Variants in EXOC4 observed in about 807,000 individuals in gnomAD.
EXOC4 encodes the protein SEC8-like 1.
Under a neutral mutation model 107.2 loss-of-function variants are expected in EXOC4, and 71 were observed. That is an observed-to-expected ratio of 0.66 (90% CI 0.55 to 0.81). The LOEUF is 0.81. EXOC4 is among the 30% of genes least tolerant of loss of function. EXOC4 has a pLI of 0.00. For missense variants in EXOC4, 1,108 were observed against 1,189.6 expected (o/e 0.93, Z 1.01); for synonymous variants, 456 against 441.2 (o/e 1.03, Z -0.42).
rs10247211 is a variant in EXOC4 at position 133,385,405 on chromosome 7, G to A, written c.1182+10403G>A. On this transcript the variant is annotated intron_variant, in intron 7 of 17. Coordinates refer to ENST00000253861, the MANE Select transcript of EXOC4 (RefSeq NM_021807.4). ...GGGTTTGTGTCACAAGATAGAGGCC[G>A]GTATTTCATTGTCTACTGCTCTTAA... Among the ~76,000 whole-genome samples, 215 of 152,258 alleles carry A rather than the reference G, an allele frequency of 1.4e-3. 2 individuals carry two copies. Among genetic ancestry groups the A allele is most frequent in the African/African-American group, 5.0e-3 (208 of 41,550 alleles).
At chr7:133,496,602 G>A (rs764029133) in intron 9 of EXOC4, among the ~76,000 whole-genome samples, 6 of 152,224 alleles carry the variant, frequency 3.9e-5, no homozygotes, top group Admixed American at 6.5e-5. Flanking sequence ...TCGCACCTTC[G>A]AGGTGGAAGA....
intron 11 of EXOC4, among the ~76,000 whole-genome samples, chr7:133,858,910 A>C (rs1798475447): frequency 6.6e-6 from 1 of 152,120 alleles, no homozygotes; most frequent in African/African-American, 2.4e-5. Context: ...GATGCATTTC[A>C]AATTCCAGGC....
Position 133,423,756 on chromosome 7 carries a change from G to A in EXOC4, c.1182+48754G>A, listed in dbSNP as rs548443152. ...CGTGGGGAGGTGTGGAGGGAGAGGC[G>A]CGGGTAGGGGCCAGCGCTGCGCGCA... On this transcript the variant is annotated intron_variant, in intron 7 of 17. Transcript: ENST00000253861. Among the ~76,000 whole-genome samples, 286 of 152,212 alleles carry A rather than the reference G, an allele frequency of 1.9e-3. No homozygotes were observed. The Middle Eastern group carries it at 0.031, about 16-fold the overall frequency.
chr7:133,444,272 G>A (rs1042575651), intron 7 of EXOC4, among the ~76,000 whole-genome samples: 1 of 152,158 alleles, frequency 6.6e-6, no homozygotes, highest in African/African-American at 2.4e-5. Context: ...CAGAGCACAG[G>A]GTAGCAAGTG....
intron 8 of EXOC4, among the ~76,000 whole-genome samples, chr7:133,476,217 A>T (rs1584946791): frequency 6.6e-6 from 1 of 152,140 alleles, no homozygotes; most frequent in Non-Finnish European, 1.5e-5. Context: ...CTCATAGCTT[A>T]TTTTATTTAC....
chr7:133,302,437 A>G (rs964864450), intron 3 of EXOC4, among the ~76,000 whole-genome samples: 2 of 152,338 alleles, frequency 1.3e-5, no homozygotes, highest in South Asian at 2.1e-4. Context: ...ATTTAAAAAT[A>G]CTTATATCTG....
At chr7:133,653,026 T>C (rs1803199505) in intron 10 of EXOC4, among the ~76,000 whole-genome samples, 1 of 152,148 alleles carries the variant, frequency 6.6e-6, no homozygotes. Context: ...TTAAATTAGG[T>C]TAACTCCTAG....
At chr7:133,630,730 A>G (rs1802571321) in intron 10 of EXOC4, among the ~76,000 whole-genome samples, 1 of 152,230 alleles carries the variant, frequency 6.6e-6, no homozygotes, top group South Asian at 2.1e-4. Context: ...ATGATTTATA[A>G]AAAATGAAAG....
chr7:133,509,407 A>G (rs889842363), intron 9 of EXOC4, among the ~76,000 whole-genome samples: 1 of 151,904 alleles, frequency 6.6e-6, no homozygotes, highest in Non-Finnish European at 1.5e-5. Flanking sequence ...CAGCCTGGGC[A>G]ACAGAGCAAG....
intron 10 of EXOC4, among the ~76,000 whole-genome samples, chr7:133,665,317 T>G (rs1562898266): frequency 2.6e-5 from 4 of 152,252 alleles, no homozygotes; most frequent in South Asian, 4.1e-4. Flanking sequence ...TGTGCATGAT[T>G]GTTGTGGGGA....
rs1480357843 is a variant in EXOC4 at position 133,629,951 on chromosome 7, TTATGACAG to T, written c.1418-90_1418-83del. ...TTACTGTTTGCAAAGATGGTCCTAATTATGACAGTATAGGACTCATCTAGATATGCTTG... is the reference window on the plus strand; with the variant it reads ...TTACTGTTTGCAAAGATGGTCCTAATTATAGGACTCATCTAGATATGCTTG... On this transcript the variant is annotated intron_variant, in intron 9 of 17. Coordinates refer to ENST00000253861, the MANE Select transcript of EXOC4 (RefSeq NM_021807.4). 58 of 825,916 alleles carry T rather than the reference TTATGACAG, an allele frequency of 7.0e-5. No homozygotes were observed. The Middle Eastern group carries it at 1.2e-3, about 17-fold the overall frequency. 51.2% of individuals were successfully genotyped at this position (825,916 alleles called of 1,614,324 possible).
intron 7 of EXOC4, among the ~76,000 whole-genome samples, chr7:133,449,618 A>G (rs1191009368): frequency 1.3e-5 from 2 of 151,946 alleles, no homozygotes; most frequent in Non-Finnish European, 2.9e-5. Flanking sequence ...TCCTTATTCT[A>G]TCTGTATCTA....
chr7:133,723,915 A>G (rs572388495), intron 10 of EXOC4, among the ~76,000 whole-genome samples: 2 of 152,244 alleles, frequency 1.3e-5, no homozygotes, highest in Non-Finnish European at 1.5e-5. Context: ...ATGTGCCACC[A>G]TGCCCAACTG....
intron 10 of EXOC4, among the ~76,000 whole-genome samples, chr7:133,795,609 C>T (rs1193939835): frequency 2.0e-5 from 3 of 152,178 alleles, no homozygotes; most frequent in Non-Finnish European, 4.4e-5. Flanking sequence ...AGTCCAGATT[C>T]TTTCTGTGAC....
At chr7:133,566,839 A>G (rs532866805) in intron 9 of EXOC4, among the ~76,000 whole-genome samples, 1 of 152,344 alleles carries the variant, frequency 6.6e-6, no homozygotes, top group Non-Finnish European at 1.5e-5. Context: ...GGTTATGTGT[A>G]GACAAAGTTG....
At chr7:133,390,529 G>C (rs1229903979) in intron 7 of EXOC4, among the ~76,000 whole-genome samples, 7 of 152,118 alleles carry the variant, frequency 4.6e-5, no homozygotes, top group Non-Finnish European at 1.0e-4. Context: ...AGTGGGCGGG[G>C]CCAGCTATAG....
At chr7:133,682,452 G>A (rs547293248) in intron 10 of EXOC4, among the ~76,000 whole-genome samples, 20 of 152,132 alleles carry the variant, frequency 1.3e-4, no homozygotes, top group African/African-American at 3.9e-4. Flanking sequence ...TCTTGCTGCC[G>A]CCATTATCAC....
intron 6 of EXOC4, among the ~76,000 whole-genome samples, chr7:133,357,701 T>A (rs1240819054): frequency 6.6e-6 from 1 of 152,206 alleles, no homozygotes; most frequent in Non-Finnish European, 1.5e-5. Context: ...AGTATAGAGT[T>A]CTCTATAGAC....
At chr7:133,615,459 C>T (rs1043502966) in intron 9 of EXOC4, among the ~76,000 whole-genome samples, 2 of 152,082 alleles carry the variant, frequency 1.3e-5, no homozygotes, top group East Asian at 3.9e-4. Flanking sequence ...ATCAGTAAGG[C>T]TGCTGGTCAA....
Sources: gnomAD v4.1 joint callset for allele counts (sites outside exome capture counted in the v4.1 genomes callset) on GRCh38, gnomAD v4.1.1 for gene constraint, MANE v1.5 for transcripts, NCBI Gene and HGNC (gene_info 2026-07-23, HGNC 2026-07-21) for gene names.